COBL: variants seen among roughly 807,000 people sequenced by gnomAD.
COBL encodes the protein cordon-bleu WH2 repeat protein.
COBL carries 51 observed loss-of-function variants against 98.8 expected under a neutral mutation model. The ratio of observed to expected loss-of-function variants is 0.52; its 90% CI spans 0.41 to 0.65. The LOEUF (loss-of-function observed/expected upper bound fraction) is 0.65. Ranked by LOEUF, COBL falls within the 30% of genes least tolerant of loss-of-function variation. COBL has a pLI of 0.00. For synonymous variants in COBL, 634 were observed against 651.7 expected (o/e 0.97, Z 0.41); for missense variants, 1,617 against 1,617.5 (o/e 1.00, Z 0.01).
intron 6 of COBL, among the ~76,000 whole-genome samples, chr7:51,105,942 A>C (rs1796221591): frequency 6.6e-6 from 1 of 151,940 alleles, no homozygotes; most frequent in South Asian, 2.1e-4. Flanking sequence ...GGTTTGCCAA[A>C]TCACACCAGA....
At chr7:51,298,558 C>A (rs145253345) in intron 1 of COBL, among the ~76,000 whole-genome samples, 1 of 152,370 alleles carries the variant, frequency 6.6e-6, no homozygotes, top group African/African-American at 2.4e-5. Context: ...GTGAGCAAGG[C>A]AGGCCACTCC....
chr7:51,124,804 T>C (rs1562940192), intron 6 of COBL, among the ~76,000 whole-genome samples: 1 of 152,130 alleles, frequency 6.6e-6, no homozygotes, highest in Non-Finnish European at 1.5e-5. Flanking sequence ...TTCCAATTTT[T>C]TTTCTTTCTT....
chr7:51,294,568 G>C (rs1475752942), intron 1 of COBL, among the ~76,000 whole-genome samples: 1 of 151,136 alleles, frequency 6.6e-6, no homozygotes, highest in Admixed American at 6.6e-5. Context: ...ACTTGTGCCT[G>C]GGAGGCAGAA....
intron 5 of COBL, among the ~76,000 whole-genome samples, chr7:51,165,420 A>G (rs1365720604): frequency 2.0e-5 from 3 of 152,116 alleles, no homozygotes; most frequent in African/African-American, 7.2e-5. Flanking sequence ...GCATATAACA[A>G]TTTTAAATAT....
intron 2 of COBL, among the ~76,000 whole-genome samples, chr7:51,200,555 A>C (rs1791022621): frequency 6.6e-6 from 1 of 152,238 alleles, no homozygotes; most frequent in Non-Finnish European, 1.5e-5. Context: ...TATCAGCTTC[A>C]AACAGACTGC....
At chr7:51,198,861 G>A (rs1176730410) in intron 2 of COBL, among the ~76,000 whole-genome samples, 1 of 152,162 alleles carries the variant, frequency 6.6e-6, no homozygotes, top group African/African-American at 2.4e-5. Context: ...TAAGAGCTTT[G>A]GGATCCAGAT....
chr7:51,286,754 T>G (rs762512631), intron 1 of COBL, among the ~76,000 whole-genome samples: 4 of 152,218 alleles, frequency 2.6e-5, no homozygotes, highest in Non-Finnish European at 4.4e-5. Context: ...ATCCCATTAC[T>G]GGATATATAT....
chr7:51,097,383 G>C (rs1156581260), intron 6 of COBL, among the ~76,000 whole-genome samples: 3 of 152,122 alleles, frequency 2.0e-5, no homozygotes, highest in Non-Finnish European at 2.9e-5. Context: ...TCTTTAAGAC[G>C]AGGAAGAAGG....
At chr7:51,101,676 C>G (rs983404000) in intron 6 of COBL, among the ~76,000 whole-genome samples, 2 of 152,230 alleles carry the variant, frequency 1.3e-5, no homozygotes, top group Non-Finnish European at 2.9e-5. Context: ...TAGTAAAGCA[C>G]CCACCTACTG....
At chr7:51,315,947 G>C (rs1438332298) in intron 1 of COBL, among the ~76,000 whole-genome samples, 2 of 152,232 alleles carry the variant, frequency 1.3e-5, no homozygotes, top group African/African-American at 4.8e-5. Flanking sequence ...TGCGCCTCAG[G>C]CCTGGCCCCA....
chr7:51,306,403 C>CGAAT (rs1358513179), intron 1 of COBL, among the ~76,000 whole-genome samples: 1 of 152,096 alleles, frequency 6.6e-6, no homozygotes, highest in Non-Finnish European at 1.5e-5. Flanking sequence ...ACACAATTAG[C>CGAAT]GAATTTGTGG....
intron 12 of COBL, among the ~76,000 whole-genome samples, chr7:51,018,951 T>TATA (rs1786637323): frequency 8.8e-6 from 1 of 113,716 alleles, no homozygotes; most frequent in African/African-American, 3.0e-5. Flanking sequence ...TATATATATA[T>TATA]ATGATTTTTT....
intron 6 of COBL, among the ~76,000 whole-genome samples, chr7:51,127,729 G>A (rs768778200): frequency 1.1e-4 from 17 of 152,174 alleles, no homozygotes; most frequent in Non-Finnish European, 2.4e-4. Flanking sequence ...CTGGGTGTGT[G>A]AAGGCTGGGG....
intron 5 of COBL, chr7:51,156,315 T>C: frequency 1.0e-6 from 1 of 985,320 alleles, no homozygotes. Flanking sequence ...GTCCAGACAG[T>C]AGTTATTCTT....
chr7:51,176,409 GACACACACAC>G (rs112105124), intron 5 of COBL, among the ~76,000 whole-genome samples: 1 of 149,296 alleles, frequency 6.7e-6, no homozygotes, highest in Non-Finnish European at 1.5e-5. Flanking sequence ...TACACACACA[GACACACACAC>G]ACACACACAC....
intron 1 of COBL, chr7:51,260,242 A>G (rs1797598795): frequency 3.7e-6 from 2 of 545,604 alleles, no homozygotes; most frequent in South Asian, 2.9e-5. Flanking sequence ...TATCAAGACC[A>G]TATACTATTT....
At chr7:51,226,562 G>GT (rs1274263732) in intron 1 of COBL, among the ~76,000 whole-genome samples, 1 of 152,102 alleles carries the variant, frequency 6.6e-6, no homozygotes, top group Non-Finnish European at 1.5e-5. Context: ...GAGTGACTAA[G>GT]TGAGTGAGTA....
At chr7:51,192,996 G>A (rs1301531166) in intron 3 of COBL, among the ~76,000 whole-genome samples, 1 of 152,106 alleles carries the variant, frequency 6.6e-6, no homozygotes, top group Admixed American at 6.5e-5. Flanking sequence ...AAATCTACAT[G>A]AATATTTTAG....
chr7:51,082,781 T>C (rs1376576561), intron 7 of COBL, among the ~76,000 whole-genome samples: 1 of 152,206 alleles, frequency 6.6e-6, no homozygotes, highest in African/African-American at 2.4e-5. Flanking sequence ...CATTCTAATA[T>C]GAGAACACTG....
Sources: gnomAD v4.1 joint callset for allele counts (sites outside exome capture counted in the v4.1 genomes callset) on GRCh38, gnomAD v4.1.1 for gene constraint, MANE v1.5 for transcripts, NCBI Gene and HGNC (gene_info 2026-07-23, HGNC 2026-07-21) for gene names.